OR51E2: variants seen among roughly 807,000 people sequenced by gnomAD.
OR51E2 encodes the protein olfactory receptor 51E2.
OR51E2 carries 14 observed loss-of-function variants against 13.7 expected under a neutral mutation model. That is an observed-to-expected ratio of 1.02 (90% confidence interval 0.68 to 1.60). The LOEUF is 1.60. Among genes scored for constraint, OR51E2 ranks in the 40% most tolerant of loss-of-function variants. The pLI is 0.00. For synonymous variants in OR51E2, 180 were observed against 157.6 expected (o/e 1.14, Z -1.07); for missense variants, 483 against 413.8 (o/e 1.17, Z -1.45).
chr11:4,697,052 T>C (rs1199699372), intron 1 of OR51E2, among the ~76,000 whole-genome samples: 1 of 152,236 alleles, frequency 6.6e-6, no homozygotes, highest in Non-Finnish European at 1.5e-5. Flanking sequence ...ATTCTTACTA[T>C]GTCATCATGT....
At chr11:4,686,354 C>T (rs964106390) in intron 1 of OR51E2, among the ~76,000 whole-genome samples, 5 of 152,200 alleles carry the variant, frequency 3.3e-5, no homozygotes, top group South Asian at 2.1e-4. Context: ...AGAGTTGTAG[C>T]TTGGCTGAAG....
chr11:4,687,861 C>T (rs1447172673), intron 1 of OR51E2, among the ~76,000 whole-genome samples: 1 of 152,120 alleles, frequency 6.6e-6, no homozygotes, highest in Non-Finnish European at 1.5e-5. Flanking sequence ...CCCTTCTATT[C>T]TAAGTCAGGA....
At chr11:4,691,712 A>G (rs1270674202) in intron 1 of OR51E2, 2 of 360,046 alleles carry the variant, frequency 5.6e-6, no homozygotes, top group African/African-American at 2.1e-5. Context: ...TGATGAATTA[A>G]AAGTACAGAA....
chr11:4,692,733 T>C (rs956900824), intron 1 of OR51E2, among the ~76,000 whole-genome samples: 7 of 151,666 alleles, frequency 4.6e-5, no homozygotes, highest in African/African-American at 1.7e-4. Flanking sequence ...GAAAGGGTGC[T>C]GGGTGGCTGA....
chr11:4,686,728 G>A lies in OR51E2; in HGVS notation c.-50-3967C>T, dbSNP rs144501332. 9.5e-4 allele frequency among the ~76,000 whole-genome samples: 145 copies of A among 151,938 alleles called. 1 individual carries two copies. The highest frequency in any genetic ancestry group is 3.3e-3 in the African/African-American group (135 of 41,446). On this transcript the variant is annotated intron_variant, in intron 1 of 1. Coordinates refer to ENST00000396950, the MANE Select transcript of OR51E2 (RefSeq NM_030774.4). The stretch of plus-strand genomic sequence containing the variant: ...TCTTCACCACCACTACCATGTTCAC[G>A]TAGCTACAACAGTGGCCATGTGACT...
Position 4,681,725 on chromosome 11 carries a change from T to C in OR51E2, c.*24A>G. ...ATTATGTTTATCAAGCCAATAAAGATAAGGAGAAGTGTAGTGTTAAGGGTC... is the reference window on the plus strand; with the variant it reads ...ATTATGTTTATCAAGCCAATAAAGACAAGGAGAAGTGTAGTGTTAAGGGTC... On this transcript the variant is annotated 3_prime_UTR_variant, in exon 2 of 2. Coordinates refer to ENST00000396950, the MANE Select transcript of OR51E2 (RefSeq NM_030774.4). 1 of 1,608,176 alleles carries C rather than the reference T, an allele frequency of 6.2e-7. No individual in the cohort carries two copies. The highest frequency in any genetic ancestry group is 2.2e-5 in the East Asian group (1 of 44,724).
Position 4,682,117 on chromosome 11 carries a change from G to T in OR51E2, c.595C>A (p.Leu199Ile). 1 of 1,614,230 alleles carries T rather than the reference G, an allele frequency of 6.2e-7. No individual in the cohort carries two copies. The highest frequency in any genetic ancestry group is 8.5e-7 in the Non-Finnish European group (1 of 1,180,042). Residue 199 changes from leucine to isoleucine, a missense_variant, in exon 2 of 2, where the codon CTT becomes ATT. Coordinates refer to ENST00000396950, the MANE Select transcript of OR51E2 (RefSeq NM_030774.4). ...CCCATGACCAGCAGAATGGCAGTAA[G>T]ACCATATACCACATTGGGCAAAGTG... ...ADTLPNVVYG[L>I]TAILLVMGVD...
At chr11:4,687,060 A>C (rs1338693733) in intron 1 of OR51E2, among the ~76,000 whole-genome samples, 1 of 152,014 alleles carries the variant, frequency 6.6e-6, no homozygotes, top group African/African-American at 2.4e-5. Flanking sequence ...CTTTTCCTTC[A>C]GCTCTATTTG....
intron 1 of OR51E2, among the ~76,000 whole-genome samples, chr11:4,689,196 A>T (rs1485675695): frequency 3.9e-5 from 6 of 152,244 alleles, no homozygotes; most frequent in African/African-American, 1.2e-4. Context: ...ACAATAATTG[A>T]AACTGAAATG....
In OR51E2 at chr11:4,685,529, A is replaced by G. The variant is rs565008919; in HGVS notation, c.-50-2768T>C. Among the ~76,000 whole-genome samples, 4 of 152,314 alleles carry G rather than the reference A, an allele frequency of 2.6e-5. No homozygotes were observed. The East Asian group carries it at 7.7e-4, about 29-fold the overall frequency. On this transcript the variant is annotated intron_variant, in intron 1 of 1. Coordinates refer to ENST00000396950, the MANE Select transcript of OR51E2 (RefSeq NM_030774.4). ...CCATAATTCAAAATAGGGGCATGCAATTCTCCATATCTTTCCCTAACCTTT... is the reference window on the plus strand; with the variant it reads ...CCATAATTCAAAATAGGGGCATGCAGTTCTCCATATCTTTCCCTAACCTTT...
intron 1 of OR51E2, chr11:4,690,988 T>C (rs762542966): frequency 4.6e-5 from 21 of 454,722 alleles, no homozygotes; most frequent in South Asian, 3.3e-4. Flanking sequence ...GTACTGAAGG[T>C]TTCCTTCCTC....
At chr11:4,693,392 C>A (rs1320901559) in intron 1 of OR51E2, among the ~76,000 whole-genome samples, 1 of 152,246 alleles carries the variant, frequency 6.6e-6, no homozygotes, top group Admixed American at 6.5e-5. Flanking sequence ...TAAGTTGAGA[C>A]GAAGAATTCC....
At position 4,680,309 on chromosome 11, in the gene OR51E2, C is replaced by A. The variant is rs1173387212; in HGVS notation, c.*1440G>T. Reference sequence around the variant, plus strand: ...CAAGGAGATGTAAGAGACAAATAGACAACAACATTCTCCCTGAATCTGGAA... The same window carrying A: ...CAAGGAGATGTAAGAGACAAATAGAAAACAACATTCTCCCTGAATCTGGAA... On this transcript the variant is annotated 3_prime_UTR_variant, in exon 2 of 2. Coordinates refer to ENST00000396950, the MANE Select transcript of OR51E2 (RefSeq NM_030774.4). 1 of 152,092 alleles carries A rather than the reference C, an allele frequency of 6.6e-6. No homozygotes were observed. The highest frequency in any genetic ancestry group is 2.4e-5 in the African/African-American group (1 of 41,396). 9.4% of individuals were successfully genotyped at this position (152,092 alleles called of 1,614,324 possible).
At chr11:4,685,579 A>G (rs1003647861) in intron 1 of OR51E2, among the ~76,000 whole-genome samples, 1 of 152,214 alleles carries the variant, frequency 6.6e-6, no homozygotes, top group African/African-American at 2.4e-5. Flanking sequence ...AACAGCCCTT[A>G]ATGTATCAAA....
rs1156414900 is a variant in OR51E2, at chr11:4,682,561, C to T, written c.151G>A (p.Glu51Lys). 6.2e-7 allele frequency: 1 copy of T among 1,613,860 alleles called. No homozygotes were observed. The highest frequency in any genetic ancestry group is 8.5e-7 in the Non-Finnish European group (1 of 1,179,938). ...NCIVVFIVRTERSLHAPMYLF... is the reference protein window; with the variant it reads ...NCIVVFIVRTKRSLHAPMYLF... ...TACATCGGAGCGTGCAGGCTGCGTT[C>T]CGTCCTTACGATGAAGACCACGATG... Residue 51 changes from glutamate to lysine, a missense_variant, in exon 2 of 2, where the codon GAA becomes AAA. Coordinates refer to ENST00000396950, the MANE Select transcript of OR51E2 (RefSeq NM_030774.4).
Position 4,682,660 on chromosome 11 carries a change from C to T in OR51E2, c.52G>A (p.Gly18Arg). The T allele has an allele frequency of 6.2e-7, 1 of 1,614,184 alleles. No individual in the cohort carries two copies. The highest frequency in any genetic ancestry group is 8.5e-7 in the Non-Finnish European group (1 of 1,180,036). The change falls in exon 2 of 2, where the codon GGA becomes AGA. Residue 18 changes from glycine to arginine, a missense_variant. Physicochemically the swap from Gly to Arg is moderately radical, Grantham distance 125. Coordinates refer to ENST00000396950, the MANE Select transcript of OR51E2 (RefSeq NM_030774.4). ...ACCCAGAAATGGGCTTTCTCTAATCCTGGGATACCAATAAGCACAAAGGTG... is the reference window on the plus strand; with the variant it reads ...ACCCAGAAATGGGCTTTCTCTAATCTTGGGATACCAATAAGCACAAAGGTG... The part of the protein sequence containing the change: ...HATFVLIGIP[G>R]LEKAHFWVGF...
Position 4,682,319 on chromosome 11 carries a change from A to T in OR51E2, c.393T>A (p.His131Gln). 3 of 1,614,218 alleles carry T rather than the reference A, an allele frequency of 1.9e-6. No individual in the cohort carries two copies. Among genetic ancestry groups the T allele is most frequent in the Non-Finnish European group, 2.5e-6 (3 of 1,180,036 alleles). Residue 131 changes from histidine to glutamine, a missense_variant, in exon 2 of 2, where the codon CAT (histidine) becomes CAA (glutamine). Physicochemically the swap from His to Gln is conservative, Grantham distance 24. Coordinates refer to ENST00000396950, the MANE Select transcript of OR51E2 (RefSeq NM_030774.4). The stretch of plus-strand genomic sequence containing the variant: ...TTACTGTATTGTTGAGCACTGCAGC[A>T]TGGCGCAGTGGGTGGCAGATGGCCA... ...RYVAICHPLR[H>Q]AAVLNNTVTA...
At chr11:4,684,731 T>C (rs768462555) in intron 1 of OR51E2, among the ~76,000 whole-genome samples, 7 of 152,122 alleles carry the variant, frequency 4.6e-5, no homozygotes, top group Non-Finnish European at 7.4e-5. Flanking sequence ...TATAGGACTT[T>C]AGGCTATCAT....
At chr11:4,683,311 G>T (rs1007500408) in intron 1 of OR51E2, among the ~76,000 whole-genome samples, 1 of 152,198 alleles carries the variant, frequency 6.6e-6, no homozygotes, top group Non-Finnish European at 1.5e-5. Flanking sequence ...AGGCAGTGAG[G>T]ATAGGAGATA....
Sources: gnomAD v4.1 joint callset for allele counts (sites outside exome capture counted in the v4.1 genomes callset) on GRCh38, gnomAD v4.1.1 for gene constraint, MANE v1.5 for transcripts, NCBI Gene and HGNC (gene_info 2026-07-23, HGNC 2026-07-21) for gene names.